Variants in ADCY1 observed in about 807,000 individuals in gnomAD.
The protein encoded by ADCY1 is adenylate cyclase 1, also known as adenylate cyclase type 1.
In ADCY1, 28 loss-of-function variants were observed where a neutral mutation model predicts 105.4. The ratio of observed to expected loss-of-function variants is 0.27; its 90% CI spans 0.20 to 0.36. The LOEUF (loss-of-function observed/expected upper bound fraction) is 0.36, where lower values mean the gene tolerates loss of function less well. Ranked by LOEUF, ADCY1 falls within the 10% of genes least tolerant of loss-of-function variation. The pLI is 1.00. For missense variants in ADCY1, 977 were observed against 1,434.2 expected, an observed-to-expected ratio of 0.68 and a Z score of 5.15; for synonymous variants, 655 against 623.8, an observed-to-expected ratio of 1.05 and a Z score of -0.75.
At chr7:45,697,180 G>C (rs987426043) in intron 14 of ADCY1, among the ~76,000 whole-genome samples, 4 of 152,110 alleles carry the variant, frequency 2.6e-5, no homozygotes, top group African/African-American at 9.7e-5. Context: ...TCAAAGCTAG[G>C]AAAGAGGACT....
At chr7:45,614,945 T>TCG (rs1459147144) in intron 3 of ADCY1, among the ~76,000 whole-genome samples, 2 of 152,232 alleles carry the variant, frequency 1.3e-5, no homozygotes, top group African/African-American at 4.8e-5. Flanking sequence ...ACTTCAGTAG[T>TCG]CTATTTTTGA....
rs779424443 is a variant in ADCY1, at chr7:45,708,606, C to T, written c.2932+142C>T. The T allele has an allele frequency of 3.5e-5, 22 of 626,708 alleles. No homozygotes were observed. The highest frequency in any genetic ancestry group is 1.3e-4 in the African/African-American group (7 of 54,628). The allele number at this position is 626,708 out of a possible 1,614,324, so 38.8% of individuals were successfully genotyped here. On this transcript the variant is annotated intron_variant, in intron 18 of 19. Transcript: ENST00000297323. The surrounding 1 kb of genome is among the most constrained non-coding windows in gnomAD (Gnocchi z 4.7). ...CAGGAGGGCATGGGGACCTGTGTAC[C>T]GAGTTGCCCCTGGAAGCTGCTGGTG...
At chr7:45,697,783 G>T (rs1784915799) in intron 14 of ADCY1, among the ~76,000 whole-genome samples, 1 of 152,202 alleles carries the variant, frequency 6.6e-6, no homozygotes, top group East Asian at 1.9e-4. Context: ...CTCATCCTAA[G>T]AAATGAAGAA....
At position 45,575,952 on chromosome 7, in the gene ADCY1, G is replaced by GGTGGAC. The variant is rs1475546255; in HGVS notation, c.639+777_639+782dup. ...GAGCCTGCTCTTCCAACTGCCCGGAGGTGGACGTGGACCAGAGGTCTTTGC... is the reference window on the plus strand; with the variant it reads ...GAGCCTGCTCTTCCAACTGCCCGGAGGTGGACGTGGACGTGGACCAGAGGTCTTTGC... On this transcript the variant is annotated intron_variant, in intron 1 of 19. Transcript: ENST00000297323. The surrounding 1 kb of genome is among the most constrained non-coding windows in gnomAD (Gnocchi z 4.7). Among the ~76,000 whole-genome samples, 4 of 152,250 alleles carry GGTGGAC rather than the reference G, an allele frequency of 2.6e-5. No homozygotes were observed. Among genetic ancestry groups the GGTGGAC allele is most frequent in the Non-Finnish European group, 2.9e-5 (2 of 68,040 alleles).
At chr7:45,709,768 GAGCTGAC>G (rs1785188834) in intron 18 of ADCY1, among the ~76,000 whole-genome samples, 1 of 152,222 alleles carries the variant, frequency 6.6e-6, no homozygotes. Flanking sequence ...TGTAACAGGA[GAGCTGAC>G]AGCATGCTTG....
At chr7:45,711,940 T>G (rs189410677) in intron 19 of ADCY1, among the ~76,000 whole-genome samples, 1,989 of 112,000 alleles carry the variant, frequency 0.018, 42 homozygotes, top group Middle Eastern at 0.033. Flanking sequence ...ATTAAATATA[T>G]AAATACATAT....
In ADCY1 at chr7:45,678,393, T is replaced by G. The variant is rs537032927; in HGVS notation, c.1898+130T>G. 8.2e-6 allele frequency: 7 copies of G among 850,770 alleles called. No homozygotes were observed. In the African/African-American group the frequency reaches 1.2e-4, roughly 14 times the overall value. The allele number at this position is 850,770 out of a possible 1,614,324, so 52.7% of individuals were successfully genotyped here. A position where few individuals can be genotyped will look rare whatever the true frequency, so the allele number is the denominator to read the frequency against. On this transcript the variant is annotated intron_variant, in intron 10 of 19. Coordinates refer to ENST00000297323, the MANE Select transcript of ADCY1 (RefSeq NM_021116.4). ...CAAGCTTCGTCTCCCACAGTTATTG[T>G]CCCAATGTGCCCAACATGGCTGACA... is the stretch of plus-strand genomic sequence containing the variant.
At chr7:45,618,215 C>T (rs1429483543) in intron 3 of ADCY1, among the ~76,000 whole-genome samples, 1 of 152,136 alleles carries the variant, frequency 6.6e-6, no homozygotes, top group Admixed American at 6.5e-5. Flanking sequence ...TCTTACCATA[C>T]ACAAAAATAA....
Position 45,710,759 on chromosome 7 carries a change from CA to C in ADCY1, c.3057+108del, listed in dbSNP as rs1785216672. 1 of 1,410,620 alleles carries C rather than the reference CA, an allele frequency of 7.1e-7. No individual in the cohort carries two copies. Among genetic ancestry groups the C allele is most frequent in the Non-Finnish European group, 9.4e-7 (1 of 1,058,344 alleles). The allele number at this position is 1,410,620 out of a possible 1,614,324, so 87.4% of individuals were successfully genotyped here. A position where few individuals can be genotyped will look rare whatever the true frequency, so the allele number is the denominator to read the frequency against. On this transcript the variant is annotated intron_variant, in intron 19 of 19. Coordinates refer to ENST00000297323, the MANE Select transcript of ADCY1 (RefSeq NM_021116.4). This position sits in a 1 kb window ranked among gnomAD's most constrained non-coding sequence, Gnocchi z 4.7. ...TCCCCAGTCTACAGCCCGTAAGTGG[CA>C]GGGCAGAAAGAGCTGCATATTTCGG...
intron 14 of ADCY1, among the ~76,000 whole-genome samples, chr7:45,689,275 G>T (rs2116219451): frequency 6.6e-6 from 1 of 152,158 alleles, no homozygotes; most frequent in Middle Eastern, 3.4e-3. Flanking sequence ...CCTGGTGGGG[G>T]CATAAATACA....
intron 14 of ADCY1, among the ~76,000 whole-genome samples, chr7:45,698,761 C>T (rs966170413): frequency 6.6e-6 from 1 of 152,186 alleles, no homozygotes; most frequent in African/African-American, 2.4e-5. Context: ...AGTGGCCGTG[C>T]AAAGCTAGAG....
intron 17 of ADCY1, among the ~76,000 whole-genome samples, chr7:45,705,452 A>T (rs1272611954): frequency 6.6e-6 from 1 of 152,342 alleles, no homozygotes; most frequent in Non-Finnish European, 1.5e-5. Flanking sequence ...CATCAAATCA[A>T]CAGGATAAAG....
At chr7:45,674,565 G>T (rs1385594930) in intron 8 of ADCY1, among the ~76,000 whole-genome samples, 1 of 151,998 alleles carries the variant, frequency 6.6e-6, no homozygotes, top group Admixed American at 6.6e-5. Context: ...GTGGAGACGG[G>T]GTTTCAGCAT....
At chr7:45,685,833 T>C in intron 12 of ADCY1, 129 bp from the exon 13 acceptor site, 2 of 1,181,444 alleles carry the variant, frequency 1.7e-6, no homozygotes, top group Non-Finnish European at 2.3e-6. Flanking sequence ...TGGCTTGGTG[T>C]GATAGCACTG....
At chr7:45,601,429 C>T (rs979425572) in intron 2 of ADCY1, among the ~76,000 whole-genome samples, 1 of 152,154 alleles carries the variant, frequency 6.6e-6, no homozygotes, top group Non-Finnish European at 1.5e-5. Context: ...CATACCTGAG[C>T]GCACTGCACC....
intron 16 of ADCY1, among the ~76,000 whole-genome samples, chr7:45,704,062 G>A (rs919060763): frequency 5.9e-5 from 9 of 152,238 alleles, no homozygotes; most frequent in African/African-American, 2.2e-4. Context: ...GGGCAGGCAG[G>A]TGGGTGCCTC....
At chr7:45,618,252 A>C (rs554043312) in intron 3 of ADCY1, among the ~76,000 whole-genome samples, 26 of 152,352 alleles carry the variant, frequency 1.7e-4, no homozygotes, top group African/African-American at 5.1e-4. Context: ...ACATAAATGT[A>C]AGACCCAGAC....
intron 14 of ADCY1, among the ~76,000 whole-genome samples, chr7:45,690,964 G>C (rs543589050): frequency 2.6e-5 from 4 of 152,198 alleles, no homozygotes; most frequent in Non-Finnish European, 4.4e-5. Flanking sequence ...CATGAGATCT[G>C]GGGTTTCCAG....
At chr7:45,677,101 T>C (rs964343684) in intron 8 of ADCY1, among the ~76,000 whole-genome samples, 1 of 152,160 alleles carries the variant, frequency 6.6e-6, no homozygotes, top group Non-Finnish European at 1.5e-5. Flanking sequence ...GCAAGGTCCC[T>C]GCGATCACCC....
Sources: gnomAD v4.1 joint callset for allele counts (sites outside exome capture counted in the v4.1 genomes callset) on GRCh38, gnomAD v4.1.1 for gene constraint, Gnocchi (gnomAD v3.1) non-coding constraint, MANE v1.5 for transcripts, NCBI Gene and HGNC (gene_info 2026-07-23, HGNC 2026-07-21) for gene names.